The following ATG2A variants were observed in gnomAD, a reference collection of about 807,000 sequenced individuals.
The protein encoded by ATG2A is autophagy-related protein 2 homolog A.
A neutral mutation model predicts 214.2 loss-of-function variants in ATG2A; 103 were observed. That is an observed-to-expected ratio of 0.48 (90% confidence interval 0.41 to 0.57). The LOEUF (loss-of-function observed/expected upper bound fraction) is 0.57, where lower values mean the gene tolerates loss of function less well. Ranked by LOEUF, ATG2A falls within the 20% of genes least tolerant of loss-of-function variation. The pLI, the probability that ATG2A is intolerant of heterozygous loss-of-function variation, is 0.00. For missense variants in ATG2A, 2,312 were observed against 2,613.2 expected, an observed-to-expected ratio of 0.88 and a Z score of 2.51; for synonymous variants, 1,160 against 1,142.1, an observed-to-expected ratio of 1.02 and a Z score of -0.32.
rs749812147 is a variant in ATG2A, at chr11:64,909,672, G to A, written c.2107+9C>T. ...CTTGCCCCAAGTTCTGTCACTCGGG[G>A]GCTCTCACCATGTAGGTCGGAGCAG... On this transcript the variant is annotated intron_variant, in intron 14 of 40. Coordinates refer to ENST00000377264, the MANE Select transcript of ATG2A (RefSeq NM_015104.3). The A allele has an allele frequency of 4.4e-6, 7 of 1,609,114 alleles. No individual in the cohort carries two copies. The Admixed American group carries it at 6.7e-5, about 15-fold the overall frequency.
chr11:64,910,120 C>T lies in ATG2A; in HGVS notation c.1783G>A (p.Val595Met), dbSNP rs143598039. Residue 595 changes from valine (V) to methionine (M), a missense_variant, in exon 13 of 41, where the codon GTG becomes ATG. Coordinates refer to ENST00000377264, the MANE Select transcript of ATG2A (RefSeq NM_015104.3). ...ALDLANFQADVELGALDRLAA... is the reference protein window; with the variant it reads ...ALDLANFQADMELGALDRLAA... The stretch of plus-strand genomic sequence containing the variant: ...AGCCGGTCCAGGGCCCCCAGCTCCA[C>T]GTCCGCCTGGAAGTTGGCCAGGTCC... 8.7e-6 allele frequency: 14 copies of T among 1,611,704 alleles called. No individual in the cohort carries two copies. Among genetic ancestry groups the T allele is most frequent in the African/African-American group, 8.0e-5 (6 of 74,914 alleles).
chr11:64,911,071 C>A lies in ATG2A; in HGVS notation c.1433G>T (p.Arg478Leu). ...GCTACAGGGACAGGCCCTCTGGAAGCGTGGTCGAAGGTGATGGAAGTCTCG... is the reference window on the plus strand; with the variant it reads ...GCTACAGGGACAGGCCCTCTGGAAGAGTGGTCGAAGGTGATGGAAGTCTCG... ...GSRDFHHLRP[R>L]FQRACPCSHV... Residue 478 changes from arginine to leucine, a missense_variant, in exon 10 of 41, where the codon CGC becomes CTC. Coordinates refer to ENST00000377264, the MANE Select transcript of ATG2A (RefSeq NM_015104.3). 6.2e-7 allele frequency: 1 copy of A among 1,613,914 alleles called. No homozygotes were observed. The highest frequency in any genetic ancestry group is 8.5e-7 in the Non-Finnish European group (1 of 1,180,008).
In ATG2A at chr11:64,902,402, G is replaced by A. The variant is rs11607725; in HGVS notation, c.3778-16C>T. 1.9e-6 allele frequency: 3 copies of A among 1,547,256 alleles called. No homozygotes were observed. Among genetic ancestry groups the A allele is most frequent in the Admixed American group, 3.9e-5 (2 of 51,438 alleles). ...TCTCCGAGAGCTGGGCCAGGCAGGG[G>A]AGGAGCAATGAGTGAGACAGGACAG... On this transcript the variant is annotated splice_polypyrimidine_tract_variant and intron_variant, in intron 27 of 40. Coordinates refer to ENST00000377264, the MANE Select transcript of ATG2A (RefSeq NM_015104.3).
In ATG2A at chr11:64,894,586, C is replaced by G. The variant is rs1037678541; in HGVS notation, c.*387G>C. 2.0e-6 allele frequency: 1 copy of G among 494,758 alleles called. No individual in the cohort carries two copies. The highest frequency in any genetic ancestry group is 1.9e-5 in the African/African-American group (1 of 51,550). The allele number at this position is 494,758 out of a possible 1,614,324, so 30.6% of individuals were successfully genotyped here. A position where few individuals can be genotyped will look rare whatever the true frequency, so the allele number is the denominator to read the frequency against. ...TATTCCACTTCATGCAGACACTGAC[C>G]CACGCACTCACGGAGCTTAAAAATA... On this transcript the variant is annotated 3_prime_UTR_variant, in exon 41 of 41. Coordinates refer to ENST00000377264, the MANE Select transcript of ATG2A (RefSeq NM_015104.3).
chr11:64,895,048 G>A lies in ATG2A; in HGVS notation c.5742C>T (p.Gly1914=). The change falls in exon 41 of 41, where the codon GGC becomes GGT. Residue 1914 remains glycine (G), a synonymous_variant. Coordinates refer to ENST00000377264, the MANE Select transcript of ATG2A (RefSeq NM_015104.3). The surrounding 1 kb of genome is among the most constrained non-coding windows in gnomAD (Gnocchi z 5.0). The stretch of plus-strand genomic sequence containing the variant: ...CGTCGGGGACAATCTGGTTGCGCAT[G>A]CCCCCGAGCAGGCTGGACGTGGCCT... ...ATEATSSLLG[G]MRNQIVPDAH... is the part of the protein sequence containing the mutation. The A allele has an allele frequency of 1.9e-6, 3 of 1,613,440 alleles. No individual in the cohort carries two copies. Among genetic ancestry groups the A allele is most frequent in the Non-Finnish European group, 2.5e-6 (3 of 1,179,732 alleles).
At position 64,909,940 on chromosome 11, in the gene ATG2A, G is replaced by C. The variant is rs1286931615; in HGVS notation, c.1864-16C>G. ...GGGGCTCTGTCTGCAGGAGGATTGGGGGTCAGAGCAGCCGTCGGAGCCCCT... is the reference window on the plus strand; with the variant it reads ...GGGGCTCTGTCTGCAGGAGGATTGGCGGTCAGAGCAGCCGTCGGAGCCCCT... On this transcript the variant is annotated splice_polypyrimidine_tract_variant and intron_variant, in intron 13 of 40. Transcript: ENST00000377264. 6.3e-7 allele frequency: 1 copy of C among 1,593,328 alleles called. No homozygotes were observed. The highest frequency in any genetic ancestry group is 8.5e-7 in the Non-Finnish European group (1 of 1,169,700).
At position 64,894,633 on chromosome 11, in the gene ATG2A, T is replaced by C. The variant is rs2136528352; in HGVS notation, c.*340A>G. ...AATAATACATCGAACCACACGGATA[T>C]CATCCCCTCCTCCCCCCAGACACAG... On this transcript the variant is annotated 3_prime_UTR_variant, in exon 41 of 41. Coordinates refer to ENST00000377264, the MANE Select transcript of ATG2A (RefSeq NM_015104.3). The C allele has an allele frequency of 1.7e-6, 1 of 602,682 alleles. No homozygotes were observed. Among genetic ancestry groups the C allele is most frequent in the Non-Finnish European group, 3.1e-6 (1 of 320,398 alleles). 37.3% of individuals were successfully genotyped at this position (602,682 alleles called of 1,614,324 possible).
chr11:64,902,160 C>T lies in ATG2A; in HGVS notation c.3921G>A (p.Gln1307=). ...LAQPSGGHLP[Q]ASPISVYLFP... ...ATAGGTAGACGGAGATGGGCGACGCCTGAGGGAGGTGGCCACCTATAGGAG... is the reference window on the plus strand; with the variant it reads ...ATAGGTAGACGGAGATGGGCGACGCTTGAGGGAGGTGGCCACCTATAGGAG... Residue 1307 remains glutamine (Q), a synonymous_variant, in exon 29 of 41, where the codon CAG becomes CAA. Coordinates refer to ENST00000377264, the MANE Select transcript of ATG2A (RefSeq NM_015104.3). 1.2e-6 allele frequency: 2 copies of T among 1,613,166 alleles called. No individual in the cohort carries two copies. Among genetic ancestry groups the T allele is most frequent in the Non-Finnish European group, 1.7e-6 (2 of 1,179,984 alleles).
chr11:64,903,090 A>G lies in ATG2A; in HGVS notation c.3612+198T>C, dbSNP rs1159359747. On this transcript the variant is annotated intron_variant, in intron 26 of 40. Coordinates refer to ENST00000377264, the MANE Select transcript of ATG2A (RefSeq NM_015104.3). This position sits in a 1 kb window ranked among gnomAD's most constrained non-coding sequence, Gnocchi z 4.2. ...TGGCAGGGCTGAAACCCATTCATTCATTCAGCCAGCATCAAGGGACACCCC... is the reference window on the plus strand; with the variant it reads ...TGGCAGGGCTGAAACCCATTCATTCGTTCAGCCAGCATCAAGGGACACCCC... Among the ~76,000 whole-genome samples the G allele has an allele frequency of 1.3e-5, 2 of 152,122 alleles. No individual in the cohort carries two copies. The highest frequency in any genetic ancestry group is 2.9e-5 in the Non-Finnish European group (2 of 68,010).
In ATG2A at chr11:64,903,615, C is replaced by T; in HGVS notation, c.3510G>A (p.Glu1170=). The T allele has an allele frequency of 6.5e-7, 1 of 1,550,096 alleles. No individual in the cohort carries two copies. The highest frequency in any genetic ancestry group is 8.7e-7 in the Non-Finnish European group (1 of 1,146,594). Reference sequence around the variant, plus strand: ...CTCGCCGCAGGTCCAGGGTCTCCACCTCACACTTGTCGGACAGGTACAAGG... The same window carrying T: ...CTCGCCGCAGGTCCAGGGTCTCCACTTCACACTTGTCGGACAGGTACAAGG... ...DSALYLSDKC[E]VETLDLRRDY... The change falls in exon 25 of 41, where the codon GAG becomes GAA. Residue 1170 remains glutamate, a synonymous_variant. Coordinates refer to ENST00000377264, the MANE Select transcript of ATG2A (RefSeq NM_015104.3). The surrounding 1 kb of genome is among the most constrained non-coding windows in gnomAD (Gnocchi z 4.2).
In ATG2A at chr11:64,894,963, C is replaced by T. The variant is rs759507970; in HGVS notation, c.*10G>A. 36 of 1,611,124 alleles carry T rather than the reference C, an allele frequency of 2.2e-5. 1 individual carries two copies. In the South Asian group the frequency reaches 3.7e-4, roughly 17 times the overall value. On this transcript the variant is annotated 3_prime_UTR_variant, in exon 41 of 41. Coordinates refer to ENST00000377264, the MANE Select transcript of ATG2A (RefSeq NM_015104.3). ...TGGGCAGCACCCTCTGGGTGCCGGG[C>T]ACCCCAGGCTCAGTCTTGGGCACTG... is the stretch of plus-strand genomic sequence containing the variant.
rs1944125650 is a variant in ATG2A, at chr11:64,895,667, G to C, written c.5428-225C>G. Among the ~76,000 whole-genome samples, 1 of 152,148 alleles carries C rather than the reference G, an allele frequency of 6.6e-6. No homozygotes were observed. The highest frequency in any genetic ancestry group is 2.1e-4 in the South Asian group (1 of 4,830). ...GAACCTAGGAACGTGGGACTCCTCA[G>C]GGGACTTTCCTAAAGTCTTCTCAAC... On this transcript the variant is annotated intron_variant, in intron 39 of 40. Coordinates refer to ENST00000377264, the MANE Select transcript of ATG2A (RefSeq NM_015104.3). The surrounding 1 kb of genome is among the most constrained non-coding windows in gnomAD (Gnocchi z 5.0).
Position 64,898,732 on chromosome 11 carries a change from C to A in ATG2A, c.4575G>T (p.Glu1525Asp). Residue 1525 changes from glutamate (E) to aspartate (D), a missense_variant, in exon 32 of 41, where the codon GAG (glutamate) becomes GAT (aspartate). By Grantham distance (45) the Glu-to-Asp change is conservative (BLOSUM62 2). Transcript: ENST00000377264. This position sits in a 1 kb window ranked among gnomAD's most constrained non-coding sequence, Gnocchi z 4.5. ...PLSRQVFIVQELEVRDRLASS... is the reference protein window; with the variant it reads ...PLSRQVFIVQDLEVRDRLASS... Reference sequence around the variant, plus strand: ...AGGCGAGCCGGTCTCGGACCTCCAGCTCCTGCACGATGAACACCTGACGGG... The same window carrying A: ...AGGCGAGCCGGTCTCGGACCTCCAGATCCTGCACGATGAACACCTGACGGG... The A allele has an allele frequency of 6.2e-7, 1 of 1,614,156 alleles. No individual in the cohort carries two copies. Among genetic ancestry groups the A allele is most frequent in the Non-Finnish European group, 8.5e-7 (1 of 1,180,028 alleles).
At position 64,910,939 on chromosome 11, in the gene ATG2A, G is replaced by A. The variant is rs144361706; in HGVS notation, c.1482C>T (p.Ala494=). ...PCSHVRLTGT[A]VQLSWELRTG... ...TCCGCAGCTCCCAGGACAGCTGCACGGCTGTGCCCGTTAGCCTGCGGGGAA... is the reference window on the plus strand; with the variant it reads ...TCCGCAGCTCCCAGGACAGCTGCACAGCTGTGCCCGTTAGCCTGCGGGGAA... Residue 494 remains alanine, a synonymous_variant, in exon 11 of 41, where the codon GCC becomes GCT. Transcript: ENST00000377264. 28 of 1,613,200 alleles carry A rather than the reference G, an allele frequency of 1.7e-5. No homozygotes were observed. Among genetic ancestry groups the A allele is most frequent in the African/African-American group, 1.5e-4 (11 of 74,936 alleles).
chr11:64,897,273 C>T lies in ATG2A; in HGVS notation c.5150+139G>A, dbSNP rs1301509556. 4.9e-6 allele frequency: 5 copies of T among 1,012,752 alleles called. No homozygotes were observed. In the Admixed American group the frequency reaches 1.2e-4, roughly 25 times the overall value. 62.7% of individuals were successfully genotyped at this position (1,012,752 alleles called of 1,614,324 possible). ...TGAATGTGTGAGCCATCATGCCCAGCCAACTGCGTCCTTTTTACAGAGGAG... is the reference window on the plus strand; with the variant it reads ...TGAATGTGTGAGCCATCATGCCCAGTCAACTGCGTCCTTTTTACAGAGGAG... On this transcript the variant is annotated intron_variant, in intron 37 of 40. Transcript: ENST00000377264.
Position 64,898,040 on chromosome 11 carries a change from G to C in ATG2A, c.4858+46C>G. Reference sequence around the variant, plus strand: ...ATGACTGGGAACCTGTGCTGTCCTGGGAGGCAGAAGGCCCAGACGCTCCCC... The same window carrying C: ...ATGACTGGGAACCTGTGCTGTCCTGCGAGGCAGAAGGCCCAGACGCTCCCC... On this transcript the variant is annotated intron_variant, in intron 34 of 40. Transcript: ENST00000377264. This position sits in a 1 kb window ranked among gnomAD's most constrained non-coding sequence, Gnocchi z 4.5. 6.2e-7 allele frequency: 1 copy of C among 1,609,742 alleles called. No individual in the cohort carries two copies.
At chr11:64,910,504 G>A in intron 12 of ATG2A, 112 bp downstream of exon 12, 2 of 1,273,074 alleles carry the variant, frequency 1.6e-6, no homozygotes, top group African/African-American at 1.5e-5. Flanking sequence ...GGAGAGATGT[G>A]GAGCACAGGG....
intron 36 of ATG2A, 76 bp from the exon 37 acceptor site, chr11:64,897,570 C>T (rs901018148): frequency 9.4e-6 from 15 of 1,599,426 alleles, no homozygotes; most frequent in African/African-American, 5.4e-5. Flanking sequence ...CACTGGAGAG[C>T]GCCCTGGCTG....
chr11:64,898,881 C>A lies in ATG2A; in HGVS notation c.4465-39G>T. ...AGAGGCCTGGCCAGGTAAGCAGGGCCCCAAGAGGGAGGGAAGGGCTGGCCC... is the reference window on the plus strand; with the variant it reads ...AGAGGCCTGGCCAGGTAAGCAGGGCACCAAGAGGGAGGGAAGGGCTGGCCC... On this transcript the variant is annotated intron_variant, in intron 31 of 40. Coordinates refer to ENST00000377264, the MANE Select transcript of ATG2A (RefSeq NM_015104.3). This position sits in a 1 kb window ranked among gnomAD's most constrained non-coding sequence, Gnocchi z 4.5. 1 of 1,580,088 alleles carries A rather than the reference C, an allele frequency of 6.3e-7. No homozygotes were observed. The highest frequency in any genetic ancestry group is 8.6e-7 in the Non-Finnish European group (1 of 1,163,154).
Sources: gnomAD v4.1 joint callset for allele counts (sites outside exome capture counted in the v4.1 genomes callset) on GRCh38, gnomAD v4.1.1 for gene constraint, Gnocchi (gnomAD v3.1) non-coding constraint, MANE v1.5 for transcripts, NCBI Gene and HGNC (gene_info 2026-07-23, HGNC 2026-07-21) for gene names.